Variants in VAT1L observed in about 807,000 individuals in gnomAD.
VAT1L encodes vesicle amine transport 1 like.
Under a neutral mutation model 44.1 loss-of-function variants are expected in VAT1L, and 34 were observed. The ratio of observed to expected loss-of-function variants is 0.77; its 90% confidence interval spans 0.59 to 1.03. The LOEUF is 1.03. Ranked by LOEUF, VAT1L falls within the 50% of genes least tolerant of loss-of-function variation. The pLI is 0.00. For missense variants in VAT1L, 615 were observed against 538.8 expected, an observed-to-expected ratio of 1.14 and a Z score of -1.40; for synonymous variants, 253 against 202.2, an observed-to-expected ratio of 1.25 and a Z score of -2.13.
At chr16:77,866,030 T>A (rs1436954012) in intron 4 of VAT1L, among the ~76,000 whole-genome samples, 1 of 152,162 alleles carries the variant, frequency 6.6e-6, no homozygotes, top group Admixed American at 6.5e-5. Context: ...AAAGGTGACT[T>A]CCCACAATTC....
At chr16:77,946,165 C>T (rs2017960092) in intron 7 of VAT1L, among the ~76,000 whole-genome samples, 1 of 151,922 alleles carries the variant, frequency 6.6e-6, no homozygotes, top group Non-Finnish European at 1.5e-5. Context: ...CTTTTTTTCC[C>T]TCTTGTACAC....
intron 1 of VAT1L, among the ~76,000 whole-genome samples, chr16:77,799,504 GGTGTGTGTGTGT>G (rs10525414): frequency 0.085 from 12,028 of 140,876 alleles, 589 homozygotes; most frequent in Admixed American, 0.14. Flanking sequence ...TGGAATACAT[GGTGTGTGTGTGT>G]GTGTGTGTGT....
rs80072102 is a variant in VAT1L at position 77,860,170 on chromosome 16, T to A, written c.580-2578T>A. The stretch of plus-strand genomic sequence containing the variant: ...GGAACCAACCCTGCCAACACCTTGA[T>A]TTTAGACTTTGAGCCTCCAGAACTG... On this transcript the variant is annotated intron_variant, in intron 3 of 8. Coordinates refer to ENST00000302536, the MANE Select transcript of VAT1L (RefSeq NM_020927.3). 5.2e-3 allele frequency among the ~76,000 whole-genome samples: 790 copies of A among 152,292 alleles called. 10 individuals are homozygous for A. Among genetic ancestry groups the A allele is most frequent in the East Asian group, 0.039 (203 of 5,178 alleles).
intron 7 of VAT1L, among the ~76,000 whole-genome samples, chr16:77,958,704 C>G (rs562191163): frequency 6.6e-6 from 1 of 152,250 alleles, no homozygotes; most frequent in East Asian, 1.9e-4. Context: ...CATATGAACC[C>G]CTTACGACCA....
intron 3 of VAT1L, among the ~76,000 whole-genome samples, chr16:77,853,408 G>A (rs541800381): frequency 4.6e-5 from 7 of 152,240 alleles, no homozygotes; most frequent in African/African-American, 1.4e-4. Flanking sequence ...GGATCTCAGC[G>A]CCGTCAGCAC....
intron 3 of VAT1L, among the ~76,000 whole-genome samples, chr16:77,852,875 G>A (rs911443682): frequency 2.0e-5 from 3 of 152,086 alleles, no homozygotes; most frequent in African/African-American, 4.8e-5. Context: ...TCTGTGCTTC[G>A]GTTCTTCCAT....
At chr16:77,855,259 G>A (rs541500065) in intron 3 of VAT1L, among the ~76,000 whole-genome samples, 3 of 151,060 alleles carry the variant, frequency 2.0e-5, no homozygotes, top group African/African-American at 4.9e-5. Flanking sequence ...AGAATCGCTC[G>A]AACCCGGGAA....
intron 7 of VAT1L, among the ~76,000 whole-genome samples, chr16:77,904,674 G>A (rs146692745): frequency 1.1e-3 from 172 of 152,272 alleles, no homozygotes; most frequent in African/African-American, 3.8e-3. Flanking sequence ...GAGAACAATC[G>A]TTCAATCTAT....
intron 3 of VAT1L, among the ~76,000 whole-genome samples, chr16:77,850,555 A>G (rs2016798712): frequency 6.6e-6 from 1 of 152,180 alleles, no homozygotes. Context: ...TAATAATAGC[A>G]TCCCCTTTCA....
chr16:77,937,478 G>A (rs943159593), intron 7 of VAT1L, among the ~76,000 whole-genome samples: 16 of 147,878 alleles, frequency 1.1e-4, no homozygotes, highest in African/African-American at 3.6e-4. Context: ...AGTTACCCAA[G>A]AGACTTTCCC....
At chr16:77,818,971 A>G (rs1476301940) in intron 2 of VAT1L, among the ~76,000 whole-genome samples, 9 of 152,012 alleles carry the variant, frequency 5.9e-5, no homozygotes, top group Non-Finnish European at 1.2e-4. Flanking sequence ...TAATAAAGGA[A>G]TAACTTGGGT....
intron 1 of VAT1L, among the ~76,000 whole-genome samples, chr16:77,802,706 TCAAA>T (rs2016086155): frequency 1.3e-5 from 2 of 150,954 alleles, no homozygotes; most frequent in Admixed American, 6.6e-5. Flanking sequence ...ACAAAACTTC[TCAAA>T]CATTTTCTTT....
intron 7 of VAT1L, among the ~76,000 whole-genome samples, chr16:77,968,894 G>T (rs390980): frequency 2.0e-5 from 3 of 151,842 alleles, no homozygotes; most frequent in Admixed American, 2.0e-4. Flanking sequence ...TTTCAGCTCA[G>T]TGCAACCTCC....
intron 1 of VAT1L, among the ~76,000 whole-genome samples, chr16:77,806,934 G>A (rs2016171316): frequency 6.6e-6 from 1 of 152,112 alleles, no homozygotes; most frequent in Non-Finnish European, 1.5e-5. Flanking sequence ...CTGAGAGAAT[G>A]GGAGCAAGAG....
chr16:77,964,824 G>T (rs1423748051), intron 7 of VAT1L, among the ~76,000 whole-genome samples: 1 of 112,126 alleles, frequency 8.9e-6, no homozygotes, highest in South Asian at 2.9e-4. Context: ...ATGGAGTTTC[G>T]CCCTTGTTGC....
At chr16:77,892,764 G>C (rs780334041) in intron 7 of VAT1L, 1 of 766,984 alleles carries the variant, frequency 1.3e-6, no homozygotes, top group South Asian at 1.3e-5. Flanking sequence ...TTTTTCATCT[G>C]TACTGCCAAG....
chr16:77,901,820 G>A (rs554382577), intron 7 of VAT1L, among the ~76,000 whole-genome samples: 6 of 152,266 alleles, frequency 3.9e-5, no homozygotes, highest in Admixed American at 1.3e-4. Flanking sequence ...AATGTCCAGC[G>A]CAACCAAAGT....
chr16:77,870,538 C>A (rs1272008380), intron 4 of VAT1L, among the ~76,000 whole-genome samples: 1 of 152,212 alleles, frequency 6.6e-6, no homozygotes, highest in East Asian at 1.9e-4. Context: ...AAAGAGGCAG[C>A]ATTCACCATC....
chr16:77,824,949 C>T (rs1167814094), intron 2 of VAT1L, among the ~76,000 whole-genome samples: 2 of 145,728 alleles, frequency 1.4e-5, no homozygotes, highest in Non-Finnish European at 3.0e-5. Context: ...TCACTGCAAC[C>T]TCCGCCTCCT....
Sources: allele counts gnomAD v4.1 joint callset (sites outside exome capture counted in the v4.1 genomes callset), GRCh38; gene constraint gnomAD v4.1.1; transcripts MANE v1.5; gene names NCBI Gene and HGNC (gene_info 2026-07-23, HGNC 2026-07-21).